LSAMP: variants seen among roughly 807,000 people sequenced by gnomAD.
LSAMP encodes limbic system associated membrane protein, also known as limbic system-associated membrane protein.
Under a neutral mutation model 38.6 loss-of-function variants are expected in LSAMP, and 7 were observed. That is an observed-to-expected ratio of 0.18 (90% CI 0.10 to 0.34). The LOEUF (loss-of-function observed/expected upper bound fraction) is 0.34, where lower values mean the gene tolerates loss of function less well. Among genes scored for constraint, LSAMP ranks in the 10% least tolerant of loss-of-function variants. LSAMP has a pLI of 1.00. For missense variants in LSAMP, 313 were observed against 420.0 expected, an observed-to-expected ratio of 0.75 and a Z score of 2.23; for synonymous variants, 154 against 166.8, an observed-to-expected ratio of 0.92 and a Z score of 0.59.
chr3:116,300,504 C>T (rs764827936), intron 1 of LSAMP, among the ~76,000 whole-genome samples: 7 of 152,158 alleles, frequency 4.6e-5, no homozygotes, highest in Non-Finnish European at 1.0e-4. Context: ...TGTTAGGAAC[C>T]CAGCTGCACA....
chr3:116,219,117 C>T (rs1374910015), intron 1 of LSAMP, among the ~76,000 whole-genome samples: 1 of 152,088 alleles, frequency 6.6e-6, no homozygotes, highest in Non-Finnish European at 1.5e-5. Context: ...CCCCATTTTC[C>T]CCTGCTTCTG....
intron 1 of LSAMP, among the ~76,000 whole-genome samples, chr3:116,389,529 T>C (rs1356501348): frequency 6.6e-6 from 1 of 152,188 alleles, no homozygotes; most frequent in Non-Finnish European, 1.5e-5. Flanking sequence ...CAAAACATTC[T>C]GGGTATTTCT....
intron 1 of LSAMP, among the ~76,000 whole-genome samples, chr3:116,390,723 G>C (rs181736474): frequency 2.0e-4 from 25 of 124,672 alleles, no homozygotes; most frequent in African/African-American, 7.0e-4. Context: ...CTGGGCAACA[G>C]AGTGAGACTC....
At chr3:115,911,385 T>G (rs2107505260) in intron 3 of LSAMP, among the ~76,000 whole-genome samples, 1 of 152,306 alleles carries the variant, frequency 6.6e-6, no homozygotes, top group East Asian at 1.9e-4. Context: ...TGAGACAGAT[T>G]CTCACTCTTT....
chr3:116,443,489 C>T (rs556829189), intron 1 of LSAMP, among the ~76,000 whole-genome samples: 7 of 152,190 alleles, frequency 4.6e-5, no homozygotes, highest in South Asian at 2.1e-4. Context: ...ATGCAATGCA[C>T]GGCACACAAC....
At chr3:116,047,591 G>C (rs1278849864) in intron 2 of LSAMP, among the ~76,000 whole-genome samples, 1 of 151,592 alleles carries the variant, frequency 6.6e-6, no homozygotes, top group African/African-American at 2.4e-5. Context: ...TCTTTCTTTT[G>C]ATCCTTTTGC....
chr3:116,055,402 C>T (rs1384634130), intron 2 of LSAMP, among the ~76,000 whole-genome samples: 1 of 152,104 alleles, frequency 6.6e-6, no homozygotes, highest in Non-Finnish European at 1.5e-5. Flanking sequence ...AAACTGTGTG[C>T]ATATTTAACC....
At position 115,857,197 on chromosome 3, in the gene LSAMP, T is replaced by C. The variant is rs140640947; in HGVS notation, c.515-4580A>G. On this transcript the variant is annotated intron_variant, in intron 3 of 6. Coordinates refer to ENST00000490035, the MANE Select transcript of LSAMP (RefSeq NM_002338.5). ...TACAATCTTAGCAAGTGCCGTTTCT[T>C]GTTTTAAGGCATGGAATACACCAGC... Among the ~76,000 whole-genome samples, 474 of 152,346 alleles carry C rather than the reference T, an allele frequency of 3.1e-3. 4 individuals carry two copies. The highest frequency in any genetic ancestry group is 5.2e-3 in the Non-Finnish European group (355 of 68,032).
chr3:116,376,937 A>G (rs965152921), intron 1 of LSAMP, among the ~76,000 whole-genome samples: 1 of 152,084 alleles, frequency 6.6e-6, no homozygotes, highest in African/African-American at 2.4e-5. Flanking sequence ...TTGTACTACT[A>G]CTAAGACAAT....
intron 1 of LSAMP, among the ~76,000 whole-genome samples, chr3:116,167,070 C>T (rs566854912): frequency 3.9e-4 from 60 of 152,114 alleles, no homozygotes; most frequent in South Asian, 1.0e-3. Context: ...GGATTACAGG[C>T]GTGAGCCGCT....
intron 1 of LSAMP, among the ~76,000 whole-genome samples, chr3:116,353,479 T>A (rs562692038): frequency 2.0e-5 from 3 of 152,226 alleles, no homozygotes; most frequent in Admixed American, 6.5e-5. Flanking sequence ...ACCATGCACT[T>A]CTTGAAGACA....
At chr3:116,275,988 T>C (rs1426200223) in intron 1 of LSAMP, among the ~76,000 whole-genome samples, 2 of 152,306 alleles carry the variant, frequency 1.3e-5, no homozygotes, top group African/African-American at 4.8e-5. Flanking sequence ...TATAATCACA[T>C]GCATGAGGAG....
At chr3:116,140,442 T>C (rs1381842751) in intron 1 of LSAMP, among the ~76,000 whole-genome samples, 1 of 151,978 alleles carries the variant, frequency 6.6e-6, no homozygotes, top group Non-Finnish European at 1.5e-5. Flanking sequence ...ATTACAATTA[T>C]TTAAACGCGA....
chr3:115,863,368 G>A (rs564828757), intron 3 of LSAMP, among the ~76,000 whole-genome samples: 1 of 152,012 alleles, frequency 6.6e-6, no homozygotes, highest in African/African-American at 2.4e-5. Flanking sequence ...ATGACCCCAA[G>A]GTTTTTGGTT....
At chr3:116,208,883 G>C (rs907333117) in intron 1 of LSAMP, among the ~76,000 whole-genome samples, 1 of 152,226 alleles carries the variant, frequency 6.6e-6, no homozygotes, top group South Asian at 2.1e-4. Flanking sequence ...CAGAGGTGGA[G>C]CCTACAGAGG....
chr3:116,144,948 C>T (rs1709456560), intron 1 of LSAMP, among the ~76,000 whole-genome samples: 1 of 151,858 alleles, frequency 6.6e-6, no homozygotes, highest in Admixed American at 6.6e-5. Flanking sequence ...AATTTCATCA[C>T]ATTGAAGATA....
At chr3:116,004,595 T>TATATATACATGTATATGCATATATAAAC (rs1940103528) in intron 3 of LSAMP, among the ~76,000 whole-genome samples, 1 of 150,902 alleles carries the variant, frequency 6.6e-6, no homozygotes, top group Non-Finnish European at 1.5e-5. Context: ...GTTTGATGTC[T>TATATATACATGTATATGCATATATAAAC]ATATATACAT....
chr3:116,332,351 A>G (rs1025914701), intron 1 of LSAMP, among the ~76,000 whole-genome samples: 1 of 152,148 alleles, frequency 6.6e-6, no homozygotes, highest in Non-Finnish European at 1.5e-5. Context: ...AACAACTGAA[A>G]GAGGTGGTGG....
chr3:115,816,226 C>T (rs976975106), intron 6 of LSAMP, among the ~76,000 whole-genome samples: 1 of 152,036 alleles, frequency 6.6e-6, no homozygotes, highest in African/African-American at 2.4e-5. Context: ...TTTATGAAGC[C>T]AACAAGTGAA....
Sources: allele counts gnomAD v4.1 joint callset (sites outside exome capture counted in the v4.1 genomes callset), GRCh38; gene constraint gnomAD v4.1.1; transcripts MANE v1.5; gene names NCBI Gene and HGNC (gene_info 2026-07-23, HGNC 2026-07-21).